The following LRBA variants were observed in gnomAD, a reference collection of about 807,000 sequenced individuals.
The protein encoded by LRBA is LPS responsive beige-like anchor protein.
A neutral mutation model predicts 330.0 loss-of-function variants in LRBA; 176 were observed. That is an observed-to-expected ratio of 0.53 (90% CI 0.47 to 0.60). LRBA has a LOEUF of 0.60. Ranked by LOEUF, LRBA falls within the 20% of genes least tolerant of loss-of-function variation. LRBA has a pLI of 0.00. For missense variants in LRBA, 3,259 were observed against 3,444.8 expected, an observed-to-expected ratio of 0.95 and a Z score of 1.35; for synonymous variants, 1,230 against 1,193.0, an observed-to-expected ratio of 1.03 and a Z score of -0.64.
At position 151,014,552 on chromosome 4, in the gene LRBA, C is replaced by T. The variant is rs751125528; in HGVS notation, c.91G>A (p.Gly31Ser). The T allele has an allele frequency of 1.5e-5, 24 of 1,613,650 alleles. No homozygotes were observed. In the African/African-American group the frequency reaches 2.1e-4, roughly 14 times the overall value. Residue 31 changes from glycine (G) to serine (S), a missense_variant, in exon 2 of 57, where the codon GGT becomes AGT. Transcript: ENST00000651943. Reference sequence around the variant, plus strand: ...AGCCCTGGTTTCAGAGACAATGCACCCCCTTCAGTAGGGGTTTCTTCTCTC... The same window carrying T: ...AGCCCTGGTTTCAGAGACAATGCACTCCCTTCAGTAGGGGTTTCTTCTCTC... ...GGREETPTEG[G>S]ALSLKPGLPI...
chr4:150,831,499 T>G (rs1220254261), intron 29 of LRBA, among the ~76,000 whole-genome samples: 1 of 152,242 alleles, frequency 6.6e-6, no homozygotes, highest in Non-Finnish European at 1.5e-5. Context: ...TGCAGTTACT[T>G]GTTAACAAGT....
intron 46 of LRBA, among the ~76,000 whole-genome samples, chr4:150,430,063 T>C (rs534785155): frequency 5.3e-5 from 8 of 152,180 alleles, no homozygotes; most frequent in East Asian, 1.9e-4. Context: ...TTCTGTGCTA[T>C]ATATATATGC....
intron 45 of LRBA, among the ~76,000 whole-genome samples, chr4:150,436,303 T>C (rs1751104040): frequency 6.6e-6 from 1 of 152,322 alleles, no homozygotes; most frequent in African/African-American, 2.4e-5. Flanking sequence ...CACAGAAACA[T>C]TTCTTGTTTA....
chr4:150,910,548 G>A (rs746152327), intron 9 of LRBA, among the ~76,000 whole-genome samples: 5 of 152,048 alleles, frequency 3.3e-5, no homozygotes, highest in African/African-American at 4.8e-5. Flanking sequence ...CAAGTCTAAC[G>A]TTGTTTTCAT....
chr4:150,431,116 T>C (rs559712803), intron 46 of LRBA, among the ~76,000 whole-genome samples: 2 of 152,200 alleles, frequency 1.3e-5, no homozygotes, highest in Non-Finnish European at 2.9e-5. Context: ...AATTTGGTCA[T>C]AATAATTCAA....
Position 150,900,201 on chromosome 4 carries a change from T to A in LRBA, c.1772A>T (p.Tyr591Phe). Residue 591 changes from tyrosine (Y) to phenylalanine (F), a missense_variant, in exon 14 of 57, where the codon TAT becomes TTT. Coordinates refer to ENST00000651943, the MANE Select transcript of LRBA (RefSeq NM_001364905.1). ...HTPAKVQLML[Y>F]TYLSTEFIGT... ...AATGAATTCCGTGGACAGATAAGTA[T>A]AGAGCATCAGTTGAACCTACAGAAT... The A allele has an allele frequency of 1.2e-6, 2 of 1,609,914 alleles. No homozygotes were observed. Among genetic ancestry groups the A allele is most frequent in the Non-Finnish European group, 1.7e-6 (2 of 1,177,872 alleles).
intron 2 of LRBA, among the ~76,000 whole-genome samples, chr4:150,987,581 C>T (rs1741600707): frequency 6.6e-6 from 1 of 152,098 alleles, no homozygotes; most frequent in Admixed American, 6.6e-5. Flanking sequence ...TGGCAGGCAC[C>T]TGTAATCCCA....
At position 150,579,494 on chromosome 4, in the gene LRBA, GATTT is replaced by G. The variant is rs756776534; in HGVS notation, c.6330+8550_6330+8553del. The G allele has an allele frequency of 9.1e-4, 349 of 381,808 alleles. 1 individual carries two copies. The highest frequency in any genetic ancestry group is 1.1e-3 in the Non-Finnish European group (214 of 194,690). The allele number at this position is 381,808 out of a possible 1,614,324, so 23.7% of individuals were successfully genotyped here. A position where few individuals can be genotyped will look rare whatever the true frequency, so the allele number is the denominator to read the frequency against. ...AAATTAAAGTCGCCTTTGTTTAACT[GATTT>G]ATTATTTACTAGAGCATCTACCTAA... On this transcript the variant is annotated intron_variant, in intron 40 of 56. Coordinates refer to ENST00000651943, the MANE Select transcript of LRBA (RefSeq NM_001364905.1).
intron 37 of LRBA, among the ~76,000 whole-genome samples, chr4:150,640,078 G>A (rs953357503): frequency 1.3e-5 from 2 of 151,070 alleles, no homozygotes; most frequent in Admixed American, 1.3e-4. Flanking sequence ...GGCTGGTCTT[G>A]AACTCCTGAC....
chr4:150,503,958 T>G lies in LRBA; in HGVS notation c.6331-12923A>C, dbSNP rs894130640. Reference sequence around the variant, plus strand: ...TAGGTGATGAATGCACAAGCCTCAGTAGCCGATGCGATCAACTGGAAGAAA... The same window carrying G: ...TAGGTGATGAATGCACAAGCCTCAGGAGCCGATGCGATCAACTGGAAGAAA... On this transcript the variant is annotated intron_variant, in intron 40 of 56. Coordinates refer to ENST00000651943, the MANE Select transcript of LRBA (RefSeq NM_001364905.1). Among the ~76,000 whole-genome samples, 5 of 152,304 alleles carry G rather than the reference T, an allele frequency of 3.3e-5. No individual in the cohort carries two copies. The South Asian group carries it at 1.0e-3, about 32-fold the overall frequency.
At chr4:150,979,912 A>G (rs1485034316) in intron 2 of LRBA, among the ~76,000 whole-genome samples, 1 of 152,168 alleles carries the variant, frequency 6.6e-6, no homozygotes, top group Non-Finnish European at 1.5e-5. Flanking sequence ...AACTAATACC[A>G]ATCCTACTCA....
intron 37 of LRBA, among the ~76,000 whole-genome samples, chr4:150,660,450 C>T (rs1463632118): frequency 6.7e-5 from 10 of 149,488 alleles, no homozygotes; most frequent in African/African-American, 1.9e-4. Flanking sequence ...CCCCTCTGCC[C>T]GGCCAGCCGC....
chr4:150,488,846 C>T (rs187635453), intron 41 of LRBA, among the ~76,000 whole-genome samples: 181 of 137,186 alleles, frequency 1.3e-3, no homozygotes, highest in Non-Finnish European at 1.6e-3. Flanking sequence ...AGTAATCGAT[C>T]ATTCACTAAG....
chr4:150,607,476 A>G (rs1368278686), intron 37 of LRBA, among the ~76,000 whole-genome samples: 1 of 151,762 alleles, frequency 6.6e-6, no homozygotes, highest in Non-Finnish European at 1.5e-5. Flanking sequence ...TAAAATAAAT[A>G]CAGGTTAAAC....
At chr4:150,821,433 G>T (rs1293645875) in intron 30 of LRBA, among the ~76,000 whole-genome samples, 1 of 151,756 alleles carries the variant, frequency 6.6e-6, no homozygotes. Flanking sequence ...AAATGAGAAA[G>T]AAGTAATTTT....
chr4:150,312,971 T>C (rs916559260), intron 51 of LRBA, among the ~76,000 whole-genome samples: 2 of 151,826 alleles, frequency 1.3e-5, no homozygotes, highest in African/African-American at 2.4e-5. Context: ...TATTAAACTT[T>C]ATAATATAAT....
At chr4:150,989,958 C>T (rs1741889752) in intron 2 of LRBA, among the ~76,000 whole-genome samples, 3 of 151,360 alleles carry the variant, frequency 2.0e-5, no homozygotes, top group Admixed American at 2.0e-4. Flanking sequence ...ACCCCCATCT[C>T]TATGAAAAAA....
At chr4:150,791,655 G>C (rs1412583214) in intron 34 of LRBA, among the ~76,000 whole-genome samples, 1 of 152,146 alleles carries the variant, frequency 6.6e-6, no homozygotes, top group Non-Finnish European at 1.5e-5. Flanking sequence ...TAAATGTACA[G>C]AATAATGGCC....
intron 40 of LRBA, among the ~76,000 whole-genome samples, chr4:150,552,514 T>C (rs1490973745): frequency 6.6e-6 from 1 of 152,134 alleles, no homozygotes; most frequent in Middle Eastern, 3.2e-3. Flanking sequence ...TTGGAGAGGA[T>C]GTGGAGAAAC....
Sources: allele counts gnomAD v4.1 joint callset (sites outside exome capture counted in the v4.1 genomes callset), GRCh38; gene constraint gnomAD v4.1.1; transcripts MANE v1.5; gene names NCBI Gene and HGNC (gene_info 2026-07-23, HGNC 2026-07-21).